The following RANBP2 variants were observed in gnomAD, a reference collection of about 807,000 sequenced individuals.
The protein encoded by RANBP2 is RAN binding protein 2.
RANBP2 carries 57 observed loss-of-function variants against 303.6 expected under a neutral mutation model. That is an observed-to-expected ratio of 0.19 (90% CI 0.15 to 0.23). RANBP2 has a LOEUF of 0.23. Among genes scored for constraint, RANBP2 ranks in the 10% least tolerant of loss-of-function variants. RANBP2 has a pLI of 1.00. For missense variants in RANBP2, 3,138 were observed against 3,780.8 expected (o/e 0.83, Z 4.46); for synonymous variants, 1,167 against 1,301.5 (o/e 0.90, Z 2.23).
the RANBP2 span, among the ~76,000 whole-genome samples, chr2:109,629,227 TAAATA>T: frequency 4.2e-5 from 5 of 119,400 alleles, no homozygotes; most frequent in South Asian, 2.7e-4. Flanking sequence ...AATAAATAAA[TAAATA>T]AATAAAATGC....
Position 108,775,023 on chromosome 2 carries a change from T to C in RANBP2, c.8293-709T>C, listed in dbSNP as rs148280355. Among the ~76,000 whole-genome samples, 63 of 152,322 alleles carry C rather than the reference T, an allele frequency of 4.1e-4. 1 individual carries two copies. Among genetic ancestry groups the C allele is most frequent in the Admixed American group, 3.3e-3 (51 of 15,304 alleles). On this transcript the variant is annotated intron_variant, in intron 23 of 28. Coordinates refer to ENST00000283195, the MANE Select transcript of RANBP2 (RefSeq NM_006267.5). The stretch of plus-strand genomic sequence containing the variant: ...CTTAATTTAAAAAAAGCTTAAATTA[T>C]GAATTTAAGATCATTCTTTATTTCT...
chr2:108,724,323 G>A (rs1296602854), intron 1 of RANBP2, among the ~76,000 whole-genome samples: 1 of 152,158 alleles, frequency 6.6e-6, no homozygotes, highest in Non-Finnish European at 1.5e-5. Context: ...CACCATGCCC[G>A]GCTAATTTTT....
At chr2:108,906,032 C>T in the RANBP2 span, among the ~76,000 whole-genome samples, 3 of 146,296 alleles carry the variant, frequency 2.1e-5, no homozygotes, top group Non-Finnish European at 2.9e-5. Context: ...TGCTCACCGA[C>T]CCTGCGTTTC....
At chr2:109,732,717 C>G in the RANBP2 span, 1 of 623,922 alleles carries the variant, frequency 1.6e-6, no homozygotes, top group African/African-American at 1.8e-5. Context: ...ATCCGCCCGC[C>G]TTGGTTTATG....
At chr2:109,475,985 T>C in the RANBP2 span, among the ~76,000 whole-genome samples, 1 of 152,244 alleles carries the variant, frequency 6.6e-6, no homozygotes, top group Non-Finnish European at 1.5e-5. Context: ...GAGCTGACTC[T>C]TCTTGCTCAG....
the RANBP2 span, among the ~76,000 whole-genome samples, chr2:109,608,318 C>G: frequency 6.6e-6 from 1 of 152,178 alleles, no homozygotes; most frequent in Non-Finnish European, 1.5e-5. Context: ...TCAATATACT[C>G]CCTACCTAAT....
chr2:109,004,604 G>C, the RANBP2 span, among the ~76,000 whole-genome samples: 1 of 152,202 alleles, frequency 6.6e-6, no homozygotes, highest in Non-Finnish European at 1.5e-5. Context: ...GGCACAGTGA[G>C]AAGCGAGAAG....
At chr2:109,675,440 G>C in the RANBP2 span, among the ~76,000 whole-genome samples, 1 of 152,290 alleles carries the variant, frequency 6.6e-6, no homozygotes, top group East Asian at 1.9e-4. Context: ...CCAGCACTTT[G>C]GGAGGCTGAG....
chr2:109,051,486 A>G, the RANBP2 span, among the ~76,000 whole-genome samples: 1 of 152,238 alleles, frequency 6.6e-6, no homozygotes, highest in African/African-American at 2.4e-5. Flanking sequence ...TGCAAGCGGT[A>G]TAGAGTCGTC....
At chr2:109,249,561 T>G in the RANBP2 span, among the ~76,000 whole-genome samples, 8 of 138,534 alleles carry the variant, frequency 5.8e-5, no homozygotes, top group South Asian at 2.3e-4. Flanking sequence ...CCTTCCTTCC[T>G]TCCTTCCTTC....
the RANBP2 span, among the ~76,000 whole-genome samples, chr2:109,556,132 A>T: frequency 2.0e-5 from 3 of 152,316 alleles, no homozygotes; most frequent in South Asian, 4.2e-4. Flanking sequence ...AACCAGCATA[A>T]CCAGCAGAGA....
chr2:108,910,339 C>T, the RANBP2 span: 9 of 800,266 alleles, frequency 1.1e-5, no homozygotes, highest in African/African-American at 5.1e-5. Context: ...TGTCTGTCGC[C>T]GAACGTCCCC....
chr2:109,263,114 G>A, the RANBP2 span, among the ~76,000 whole-genome samples: 1 of 152,176 alleles, frequency 6.6e-6, no homozygotes, highest in Admixed American at 6.5e-5. Flanking sequence ...CCAAAGGGCT[G>A]GGATTATAGG....
At chr2:108,873,429 G>A in the RANBP2 span, 2 of 1,562,354 alleles carry the variant, frequency 1.3e-6, no homozygotes, top group African/African-American at 1.4e-5. Flanking sequence ...TAATAGTAAA[G>A]CACTGTTGAT....
chr2:109,279,612 C>T, the RANBP2 span, among the ~76,000 whole-genome samples: 2 of 152,246 alleles, frequency 1.3e-5, no homozygotes, highest in African/African-American at 4.8e-5. Context: ...GGATACCTTT[C>T]TTCCCCACCC....
chr2:109,257,666 T>C, the RANBP2 span, among the ~76,000 whole-genome samples: 1 of 152,124 alleles, frequency 6.6e-6, no homozygotes, highest in Non-Finnish European at 1.5e-5. Context: ...GGTTTGCGCT[T>C]CAGGGAAGCC....
At chr2:109,459,279 T>TA in the RANBP2 span, among the ~76,000 whole-genome samples, 1 of 151,654 alleles carries the variant, frequency 6.6e-6, no homozygotes, top group African/African-American at 2.4e-5. Context: ...AGGAAATACT[T>TA]ACAACAGTTA....
chr2:109,064,023 C>T, the RANBP2 span, among the ~76,000 whole-genome samples: 1 of 152,168 alleles, frequency 6.6e-6, no homozygotes, highest in South Asian at 2.1e-4. Context: ...TCTAGGCGTG[C>T]TGCACTGAGC....
chr2:109,696,997 G>A, the RANBP2 span, among the ~76,000 whole-genome samples: 31 of 152,124 alleles, frequency 2.0e-4, no homozygotes, highest in East Asian at 4.1e-3. Flanking sequence ...AGGCTGGTCC[G>A]GAAGTCCTGG....
Sources: allele counts gnomAD v4.1 joint callset (sites outside exome capture counted in the v4.1 genomes callset), GRCh38; gene constraint gnomAD v4.1.1; transcripts MANE v1.5; gene names NCBI Gene and HGNC (gene_info 2026-07-23, HGNC 2026-07-21).